NUP155: variants seen among roughly 807,000 people sequenced by gnomAD.
NUP155 encodes nuclear pore complex protein Nup155.
Under a neutral mutation model 180.4 loss-of-function variants are expected in NUP155, and 71 were observed. That is an observed-to-expected ratio of 0.39 (90% confidence interval 0.33 to 0.48). NUP155 has a LOEUF of 0.48. Among genes scored for constraint, NUP155 ranks in the 20% least tolerant of loss-of-function variants. NUP155 has a pLI of 0.91. For synonymous variants in NUP155, 582 were observed against 559.5 expected (o/e 1.04, Z -0.57); for missense variants, 1,553 against 1,648.9 (o/e 0.94, Z 1.01).
At chr5:37,328,336 C>G in intron 17 of NUP155, 22 bp downstream of exon 17, 1 of 1,571,486 alleles carries the variant, frequency 6.4e-7, no homozygotes. Flanking sequence ...TGAATCCAAT[C>G]CAAAACAAAG....
chr5:37,364,339 T>C lies in NUP155; in HGVS notation c.203A>G (p.Gln68Arg). 6.2e-7 allele frequency: 1 copy of C among 1,611,852 alleles called. No individual in the cohort carries two copies. Among genetic ancestry groups the C allele is most frequent in the Non-Finnish European group, 8.5e-7 (1 of 1,177,924 alleles). ...SGMSDMDYPL[Q>R]GPGLLSVPNL... Reference sequence around the variant, plus strand: ...GGGTACGGACAGCAAACCAGGTCCTTGCAAAGGATAATCCATATCTGACAT... The same window carrying C: ...GGGTACGGACAGCAAACCAGGTCCTCGCAAAGGATAATCCATATCTGACAT... The change falls in exon 2 of 35, where the codon CAA (glutamine) becomes CGA (arginine). Residue 68 changes from glutamine (Q) to arginine (R), a missense_variant. Gln to Arg is a conservative substitution (Grantham distance 43). Transcript: ENST00000231498.
chr5:37,302,841 T>A lies in NUP155; in HGVS notation c.3385A>T (p.Thr1129Ser). The A allele has an allele frequency of 6.2e-7, 1 of 1,614,084 alleles. No homozygotes were observed. Among genetic ancestry groups the A allele is most frequent in the Non-Finnish European group, 8.5e-7 (1 of 1,179,954 alleles). The change falls in exon 29 of 35, where the codon ACT becomes TCT. Residue 1129 changes from threonine (T) to serine (S), a missense_variant. Transcript: ENST00000231498. The stretch of plus-strand genomic sequence containing the variant: ...TCGGCAGCTATTGATGAAATGGCAG[T>A]GGAACTTTTGGCACTAAGAATGGCT... ...ARAILSAKSS[T>S]AISSIAADGE...
chr5:37,370,727 T>A, intron 1 of NUP155, 94 bp downstream of exon 1: 1 of 1,612,204 alleles, frequency 6.2e-7, no homozygotes, highest in East Asian at 2.2e-5. Context: ...AATCTCAGCA[T>A]ATCCTCGCCG....
intron 9 of NUP155, among the ~76,000 whole-genome samples, chr5:37,347,432 AC>A (rs767934281): frequency 1.3e-5 from 2 of 152,196 alleles, no homozygotes; most frequent in South Asian, 4.1e-4. Context: ...ACGGTGGCTC[AC>A]GCCTGTAATC....
chr5:37,323,069 T>C (rs1298884674), intron 20 of NUP155, among the ~76,000 whole-genome samples: 1 of 151,472 alleles, frequency 6.6e-6, no homozygotes, highest in African/African-American at 2.4e-5. Flanking sequence ...GATGATGAGG[T>C]CAGGAGTTCA....
chr5:37,355,363 C>G (rs2111635967), intron 4 of NUP155, among the ~76,000 whole-genome samples: 1 of 151,622 alleles, frequency 6.6e-6, no homozygotes, highest in African/African-American at 2.4e-5. Flanking sequence ...CAAAAATTAG[C>G]CGGGAATGGT....
At chr5:37,333,773 T>C (rs1351973213) in intron 12 of NUP155, 140 bp from the exon 13 acceptor site, 3 of 701,616 alleles carry the variant, frequency 4.3e-6, no homozygotes, top group African/African-American at 3.7e-5. Context: ...TGTAATTTTC[T>C]ACTATCTTTT....
Position 37,290,580 on chromosome 5 carries a change from G to C in NUP155, c.*1320C>G, listed in dbSNP as rs1011814080. Reference sequence around the variant, plus strand: ...CTATTACTTTGAAGCATTTGGTTTGGTTATTCTATTTTGTTAAGGAATAAT... The same window carrying C: ...CTATTACTTTGAAGCATTTGGTTTGCTTATTCTATTTTGTTAAGGAATAAT... On this transcript the variant is annotated 3_prime_UTR_variant, in exon 35 of 35. Transcript: ENST00000231498. 6.6e-6 allele frequency: 1 copy of C among 151,962 alleles called. No individual in the cohort carries two copies. Among genetic ancestry groups the C allele is most frequent in the African/African-American group, 2.4e-5 (1 of 41,382 alleles). 9.4% of individuals were successfully genotyped at this position (151,962 alleles called of 1,614,324 possible).
At chr5:37,309,696 A>T (rs1255879158) in intron 23 of NUP155, 1 of 173,748 alleles carries the variant, frequency 5.8e-6, no homozygotes, top group East Asian at 1.6e-4. Context: ...CTTAATTTCT[A>T]AATTTAGTGA....
rs934399153 is a variant in NUP155, at chr5:37,328,793, T to C, written c.1814-373A>G. 2.6e-5 allele frequency among the ~76,000 whole-genome samples: 4 copies of C among 152,182 alleles called. No individual in the cohort carries two copies. The South Asian group carries it at 8.3e-4, about 32-fold the overall frequency. ...GTCCTGGGATTACAGGTGTGAGCCATTGTGCCTGGCCACAGAAGCTATTTC... is the reference window on the plus strand; with the variant it reads ...GTCCTGGGATTACAGGTGTGAGCCACTGTGCCTGGCCACAGAAGCTATTTC... On this transcript the variant is annotated intron_variant, in intron 16 of 34. Transcript: ENST00000231498.
At position 37,305,170 on chromosome 5, in the gene NUP155, G is replaced by A. The variant is rs768113489; in HGVS notation, c.2944C>T (p.Leu982=). Residue 982 remains leucine, a synonymous_variant, in exon 26 of 35, where the codon CTG becomes TTG. Transcript: ENST00000231498. ...YKCITDTLQE[L]VNQSKAAPQS... ...GGAGCGGCCTTACTTTGATTTACCA[G>A]TTCTTGAAGTGTGTCTGTAATGCAT... 5.0e-6 allele frequency: 8 copies of A among 1,613,494 alleles called. No individual in the cohort carries two copies. The African/African-American group carries it at 8.0e-5, about 16-fold the overall frequency.
intron 1 of NUP155, 109 bp downstream of exon 1, chr5:37,370,712 C>T (rs988104208): frequency 1.2e-6 from 2 of 1,611,112 alleles, no homozygotes; most frequent in East Asian, 2.2e-5. Context: ...GCCAACAGTG[C>T]CATAAATCTC....
chr5:37,329,324 T>C (rs1047617963), intron 15 of NUP155, 46 bp from the exon 16 acceptor site: 6 of 1,475,752 alleles, frequency 4.1e-6, no homozygotes, highest in Admixed American at 1.7e-5. Context: ...AAACAAACCA[T>C]CCATCTTAAA....
At chr5:37,325,645 T>C in intron 19 of NUP155, among the ~76,000 whole-genome samples, 1 of 151,450 alleles carries the variant, frequency 6.6e-6, no homozygotes, top group Non-Finnish European at 1.5e-5. Context: ...GGCGCACACC[T>C]GTAATCCCAG....
In NUP155 at chr5:37,331,739, C is replaced by A; in HGVS notation, c.1575G>T (p.Val525=). 2.5e-6 allele frequency: 4 copies of A among 1,611,856 alleles called. No homozygotes were observed. The highest frequency in any genetic ancestry group is 3.4e-6 in the Non-Finnish European group (4 of 1,179,064). The stretch of plus-strand genomic sequence containing the variant: ...CTTCTCCATCTCCTCCCACATTACT[C>A]ACAAGTAGATGCCTCAGTTGATCTA... The part of the protein sequence containing the change: ...RPVDQLRHLL[V]SNVGGDGEEI... The change falls in exon 14 of 35, where the codon GTG becomes GTT. Residue 525 remains valine (V), a synonymous_variant. Transcript: ENST00000231498.
chr5:37,292,878 C>T lies in NUP155; in HGVS notation c.4037+1G>A. 1 of 1,573,020 alleles carries T rather than the reference C, an allele frequency of 6.4e-7. No individual in the cohort carries two copies. Among genetic ancestry groups the T allele is most frequent in the Non-Finnish European group, 8.7e-7 (1 of 1,143,342 alleles). ...TGATCCAATATTTAATTCATAAGTA[C>T]CTTTCACAATTTAAAACTTGGCTGG... On this transcript the variant is annotated splice_donor_variant, in intron 34 of 34. Coordinates refer to ENST00000231498, the MANE Select transcript of NUP155 (RefSeq NM_153485.3). LOFTEE classifies it high-confidence loss of function.
chr5:37,304,476 G>A (rs1743041522), intron 27 of NUP155, among the ~76,000 whole-genome samples: 1 of 152,004 alleles, frequency 6.6e-6, no homozygotes, highest in Non-Finnish European at 1.5e-5. Context: ...AAGATAAGAT[G>A]ACCTACAGGA....
chr5:37,313,563 C>T (rs1357371033), intron 22 of NUP155, among the ~76,000 whole-genome samples: 3 of 151,776 alleles, frequency 2.0e-5, no homozygotes, highest in Non-Finnish European at 4.4e-5. Context: ...TGCAGTGGCA[C>T]CATCATGGCT....
intron 1 of NUP155, among the ~76,000 whole-genome samples, chr5:37,369,565 C>T (rs1278486783): frequency 1.3e-5 from 2 of 150,860 alleles, no homozygotes; most frequent in Non-Finnish European, 2.9e-5. Context: ...TGTTTTCACA[C>T]CTAAGGAGGC....
Sources: allele counts gnomAD v4.1 joint callset (sites outside exome capture counted in the v4.1 genomes callset), GRCh38; gene constraint gnomAD v4.1.1; transcripts MANE v1.5; gene names NCBI Gene and HGNC (gene_info 2026-07-23, HGNC 2026-07-21).